The following TRAPPC6A variants were observed in gnomAD, a reference collection of about 807,000 sequenced individuals.
TRAPPC6A encodes trafficking protein particle complex subunit 6A.
A neutral mutation model predicts 20.8 loss-of-function variants in TRAPPC6A; 25 were observed. That is an observed-to-expected ratio of 1.20 (90% CI 0.88 to 1.68). The LOEUF (loss-of-function observed/expected upper bound fraction) is 1.68. Ranked by LOEUF, TRAPPC6A falls within the 40% of genes most tolerant of loss-of-function variation. The probability of loss-of-function intolerance (pLI) is 0.00; values close to 1 mark genes in which losing one functional copy is unlikely to be tolerated. For synonymous variants in TRAPPC6A, 96 were observed against 93.3 expected (o/e 1.03, Z -0.16); for missense variants, 215 against 211.6 (o/e 1.02, Z -0.10).
chr19:45,163,882 G>C lies in TRAPPC6A; in HGVS notation c.448+34C>G. The stretch of plus-strand genomic sequence containing the variant: ...CTCTGAAGCCCCCAGCAACTCAAGG[G>C]ATGAGAAGAATCCCCCCACCCCCCA... On this transcript the variant is annotated intron_variant, in intron 5 of 5. Coordinates refer to ENST00000585934, the MANE Select transcript of TRAPPC6A (RefSeq NM_001270891.2). This position sits in a 1 kb window ranked among gnomAD's most constrained non-coding sequence, Gnocchi z 5.3. 1 of 1,534,202 alleles carries C rather than the reference G, an allele frequency of 6.5e-7. No individual in the cohort carries two copies. The highest frequency in any genetic ancestry group is 8.9e-7 in the Non-Finnish European group (1 of 1,129,880).
At position 45,163,479 on chromosome 19, in the gene TRAPPC6A, C is replaced by A. The variant is rs1008649022; in HGVS notation, c.449-256G>T. Among the ~76,000 whole-genome samples, 1 of 152,016 alleles carries A rather than the reference C, an allele frequency of 6.6e-6. No individual in the cohort carries two copies. The highest frequency in any genetic ancestry group is 2.4e-5 in the African/African-American group (1 of 41,386). On this transcript the variant is annotated intron_variant, in intron 5 of 5. Transcript: ENST00000585934. This position sits in a 1 kb window ranked among gnomAD's most constrained non-coding sequence, Gnocchi z 5.3. The stretch of plus-strand genomic sequence containing the variant: ...TGCTCGGTCCTACCCCACGGGGGCC[C>A]CGGGGGCCCCCATGAGTGGGCCTGG...
Position 45,165,161 on chromosome 19 carries a change from T to C in TRAPPC6A, c.118A>G (p.Met40Val). 1 of 1,609,822 alleles carries C rather than the reference T, an allele frequency of 6.2e-7. No homozygotes were observed. Among genetic ancestry groups the C allele is most frequent in the Non-Finnish European group, 8.5e-7 (1 of 1,178,254 alleles). Residue 40 changes from methionine to valine, a missense_variant, in exon 2 of 6, where the codon ATG becomes GTG. Transcript: ENST00000585934. ...AGAGCCTGGCCCACACGGAACCCCA[T>C]ACCCTCCAGGACCGACAGGCTCATC... ...QKMSLSVLEG[M>V]GFRVGQALGE...
intron 1 of TRAPPC6A, 151 bp downstream of exon 1, chr19:45,177,984 C>G: frequency 7.0e-7 from 1 of 1,425,234 alleles, no homozygotes; most frequent in Non-Finnish European, 9.3e-7. Flanking sequence ...TCGCGAACGC[C>G]ACTTTCCAAA....
chr19:45,171,859 G>A (rs552959963), intron 1 of TRAPPC6A, among the ~76,000 whole-genome samples: 12 of 152,336 alleles, frequency 7.9e-5, no homozygotes, highest in East Asian at 1.9e-4. Flanking sequence ...GAGGATGAAC[G>A]GAAAAAGCAA....
At chr19:45,175,025 G>T (rs532252416) in intron 1 of TRAPPC6A, among the ~76,000 whole-genome samples, 4 of 151,984 alleles carry the variant, frequency 2.6e-5, no homozygotes. Context: ...ACTTTGGGAG[G>T]CCAAGGCAGG....
chr19:45,164,046 G>T, intron 4 of TRAPPC6A, 37 bp from the exon 5 acceptor site: 1 of 1,557,722 alleles, frequency 6.4e-7, no homozygotes, highest in Admixed American at 2.0e-5. Context: ...GGAAGAGAGG[G>T]GAGGCCAGCA....
rs944610272 is a variant in TRAPPC6A at position 45,173,456 on chromosome 19, C to T, written c.84+4679G>A. ...GGAGCTCTGAAGCTGGTGGGAAAGG[C>T]GGCCTGCGCTACCCAGAAGCCCTGG... On this transcript the variant is annotated intron_variant, in intron 1 of 5. Coordinates refer to ENST00000585934, the MANE Select transcript of TRAPPC6A (RefSeq NM_001270891.2). This position sits in a 1 kb window ranked among gnomAD's most constrained non-coding sequence, Gnocchi z 4.8. Among the ~76,000 whole-genome samples the T allele has an allele frequency of 1.3e-5, 2 of 152,198 alleles. No individual in the cohort carries two copies. Among genetic ancestry groups the T allele is most frequent in the South Asian group, 4.1e-4 (2 of 4,828 alleles).
Position 45,163,777 on chromosome 19 carries a change from C to A in TRAPPC6A, c.448+139G>T. On this transcript the variant is annotated intron_variant, in intron 5 of 5. Coordinates refer to ENST00000585934, the MANE Select transcript of TRAPPC6A (RefSeq NM_001270891.2). This position sits in a 1 kb window ranked among gnomAD's most constrained non-coding sequence, Gnocchi z 5.3. ...TCACGGAGCCAGGGGCACAGATGGGCCTGCACCAGCCGTGTGGCTGAGCAG... is the reference window on the plus strand; with the variant it reads ...TCACGGAGCCAGGGGCACAGATGGGACTGCACCAGCCGTGTGGCTGAGCAG... The A allele has an allele frequency of 1.4e-6, 1 of 736,512 alleles. No individual in the cohort carries two copies. Among genetic ancestry groups the A allele is most frequent in the Non-Finnish European group, 2.3e-6 (1 of 436,482 alleles). 45.6% of individuals were successfully genotyped at this position (736,512 alleles called of 1,614,324 possible).
rs1430293471 is a variant in TRAPPC6A at position 45,177,189 on chromosome 19, G to GCACA, written c.84+945_84+946insTGTG. ...GGGCGACCGAGCAGGATGCGCGTGC[G>GCACA]CGCACACACACACACACACACACAC... On this transcript the variant is annotated intron_variant, in intron 1 of 5. Coordinates refer to ENST00000585934, the MANE Select transcript of TRAPPC6A (RefSeq NM_001270891.2). Among the ~76,000 whole-genome samples, 675 of 97,472 alleles carry GCACA rather than the reference G, an allele frequency of 6.9e-3. 8 individuals carry two copies. Among genetic ancestry groups the GCACA allele is most frequent in the African/African-American group, 0.032 (652 of 20,352 alleles). 63.9% of individuals were successfully genotyped at this position (97,472 alleles called of 152,430 possible).
chr19:45,164,901 C>T lies in TRAPPC6A; in HGVS notation c.222G>A (p.Trp74Ter). Residue 74 changes from tryptophan to a stop codon, truncating the protein, a stop_gained, in exon 3 of 6, where the codon TGG becomes TGA. Coordinates refer to ENST00000585934, the MANE Select transcript of TRAPPC6A (RefSeq NM_001270891.2). LOFTEE classifies it high-confidence loss of function. ...DVLKFLCKDL[W>*]VAVFQKQMDS... ...CCATCTGCTTCTGGAACACCGCCAC[C>T]CACAGGTCTTTGCACAAGAACTTGA... 6.2e-7 allele frequency: 1 copy of T among 1,614,144 alleles called. No homozygotes were observed.
intron 3 of TRAPPC6A, 172 bp downstream of exon 3, chr19:45,164,681 G>C (rs942528563): frequency 1.2e-5 from 8 of 649,246 alleles, no homozygotes. Context: ...ATGCCCCAGC[G>C]CAGCCTCCTG....
chr19:45,169,536 G>A (rs1009942119), intron 1 of TRAPPC6A, among the ~76,000 whole-genome samples: 17 of 152,258 alleles, frequency 1.1e-4, no homozygotes, highest in African/African-American at 3.9e-4. Context: ...GGCAACCTGA[G>A]TACTTCAAGG....
chr19:45,170,763 G>A (rs921044402), intron 1 of TRAPPC6A, among the ~76,000 whole-genome samples: 13 of 152,206 alleles, frequency 8.5e-5, no homozygotes, highest in African/African-American at 2.9e-4. Flanking sequence ...CTGGATACAC[G>A]GCTGTGTGAC....
At chr19:45,167,993 CTTTTTTT>C (rs968943946) in intron 1 of TRAPPC6A, among the ~76,000 whole-genome samples, 3 of 99,994 alleles carry the variant, frequency 3.0e-5, no homozygotes, top group South Asian at 3.6e-4. Flanking sequence ...AAGACCCTGT[CTTTTTTT>C]TTTTTTTTTT....
In TRAPPC6A at chr19:45,165,179, G is replaced by A. The variant is rs1347284017; in HGVS notation, c.100C>T (p.Leu34=). The change falls in exon 2 of 6, where the codon CTG becomes TTG. Residue 34 remains leucine, a synonymous_variant. Transcript: ENST00000585934. ...AACCCCATACCCTCCAGGACCGACAGGCTCATCTTCTGTCCCTAGAAGGCC... is the reference window on the plus strand; with the variant it reads ...AACCCCATACCCTCCAGGACCGACAAGCTCATCTTCTGTCCCTAGAAGGCC... The part of the protein sequence containing the change: ...DPGPGGQKMS[L]SVLEGMGFRV... The A allele has an allele frequency of 6.2e-7, 1 of 1,606,450 alleles. No homozygotes were observed. Among genetic ancestry groups the A allele is most frequent in the Non-Finnish European group, 8.5e-7 (1 of 1,176,764 alleles).
At chr19:45,176,869 T>TAAA (rs563420112) in intron 1 of TRAPPC6A, among the ~76,000 whole-genome samples, 26 of 125,520 alleles carry the variant, frequency 2.1e-4, no homozygotes, top group Admixed American at 2.5e-4. Flanking sequence ...CCGTATCTAC[T>TAAA]AAAAAAAAAA....
intron 4 of TRAPPC6A, 46 bp from the exon 5 acceptor site, chr19:45,164,055 C>T (rs1428353138): frequency 6.4e-7 from 1 of 1,551,460 alleles, no homozygotes; most frequent in South Asian, 1.2e-5. Flanking sequence ...GGGAGGCCAG[C>T]ACCCGAGGTC....
intron 1 of TRAPPC6A, among the ~76,000 whole-genome samples, chr19:45,165,913 ATT>A (rs879886820): frequency 6.9e-6 from 1 of 144,396 alleles, no homozygotes. Context: ...ATGCTCATGG[ATT>A]TTTTTTTTTT....
intron 1 of TRAPPC6A, among the ~76,000 whole-genome samples, chr19:45,177,608 C>T (rs1464806889): frequency 2.0e-5 from 3 of 152,068 alleles, no homozygotes; most frequent in Non-Finnish European, 4.4e-5. Context: ...GGAGCTACAG[C>T]GCCCAGCCGG....
Sources: gnomAD v4.1 joint callset for allele counts (sites outside exome capture counted in the v4.1 genomes callset) on GRCh38, gnomAD v4.1.1 for gene constraint, Gnocchi (gnomAD v3.1) non-coding constraint, MANE v1.5 for transcripts, NCBI Gene and HGNC (gene_info 2026-07-23, HGNC 2026-07-21) for gene names.